The following AP2A1 variants were observed in gnomAD, a reference collection of about 807,000 sequenced individuals.
AP2A1 encodes AP-2 complex subunit alpha-1.
AP2A1 carries 21 observed loss-of-function variants against 107.3 expected under a neutral mutation model. The ratio of observed to expected loss-of-function variants is 0.20; its 90% CI spans 0.14 to 0.28. AP2A1 has a LOEUF of 0.28. Among genes scored for constraint, AP2A1 ranks in the 10% least tolerant of loss-of-function variants. The pLI is 1.00. For synonymous variants in AP2A1, 602 were observed against 564.8 expected, an observed-to-expected ratio of 1.07 and a Z score of -0.93; for missense variants, 873 against 1,307.7, an observed-to-expected ratio of 0.67 and a Z score of 5.13.
rs1324159013 is a variant in AP2A1 at position 49,785,931 on chromosome 19, T to G, written c.473+3207T>G. On this transcript the variant is annotated intron_variant, in intron 4 of 22. Transcript: ENST00000354293. The surrounding 1 kb of genome is among the most constrained non-coding windows in gnomAD (Gnocchi z 4.1). ...GACTCCATCTCAAAAAAAAAAAACA[T>G]TAGTGGGGTGCAGTGGTGCACACCT... is the stretch of plus-strand genomic sequence containing the variant. Among the ~76,000 whole-genome samples the G allele has an allele frequency of 6.8e-6, 1 of 147,462 alleles. No homozygotes were observed. The highest frequency in any genetic ancestry group is 1.5e-5 in the Non-Finnish European group (1 of 66,832).
intron 1 of AP2A1, among the ~76,000 whole-genome samples, chr19:49,778,462 C>A (rs1417568409): frequency 6.6e-6 from 1 of 152,138 alleles, no homozygotes; most frequent in Non-Finnish European, 1.5e-5. Flanking sequence ...GCATGCCTGT[C>A]ATCCCAGCTA....
At chr19:49,787,354 G>GTTTTTTTTT (rs1175245045) in intron 4 of AP2A1, among the ~76,000 whole-genome samples, 7 of 94,510 alleles carry the variant, frequency 7.4e-5, no homozygotes, top group African/African-American at 1.3e-4. Flanking sequence ...TTTGTTTTTT[G>GTTTTTTTTT]TTTTTTTTTT....
intron 4 of AP2A1, among the ~76,000 whole-genome samples, chr19:49,784,887 C>A (rs114875270): frequency 0.018 from 2,675 of 152,036 alleles, 69 homozygotes; most frequent in African/African-American, 0.061. Flanking sequence ...ACAAAAAAAA[C>A]CAAAAAACAA....
chr19:49,787,338 G>GTTTTGTT (rs2084750912), intron 4 of AP2A1, among the ~76,000 whole-genome samples: 1 of 89,732 alleles, frequency 1.1e-5, no homozygotes, highest in African/African-American at 4.9e-5. Flanking sequence ...TTTTTTGTTT[G>GTTTTGTT]TTTTTTTTGT....
intron 1 of AP2A1, among the ~76,000 whole-genome samples, chr19:49,777,995 TAAAG>T (rs1190062704): frequency 2.0e-5 from 3 of 151,920 alleles, no homozygotes; most frequent in South Asian, 2.1e-4. Flanking sequence ...GAATACTAGT[TAAAG>T]AAATACGTAA....
At chr19:49,787,374 G>A (rs2084754941) in intron 4 of AP2A1, among the ~76,000 whole-genome samples, 2 of 128,176 alleles carry the variant, frequency 1.6e-5, no homozygotes, top group Non-Finnish European at 3.1e-5. Context: ...TTTTGAGGCA[G>A]TCTCTCTCTG....
chr19:49,767,393 A>AG (rs2084513717), intron 1 of AP2A1, among the ~76,000 whole-genome samples, 193 bp downstream of exon 1: 1 of 151,778 alleles, frequency 6.6e-6, no homozygotes, highest in Non-Finnish European at 1.5e-5. Context: ...GTGCCTCTTG[A>AG]GGTGACGACA....
chr19:49,786,660 G>A (rs1393068013), intron 4 of AP2A1, among the ~76,000 whole-genome samples: 3 of 152,218 alleles, frequency 2.0e-5, no homozygotes, highest in Admixed American at 1.3e-4. Context: ...GACTCAGAAT[G>A]CTAAGAACTT....
At chr19:49,767,639 C>A (rs566006241) in intron 1 of AP2A1, among the ~76,000 whole-genome samples, 2 of 151,922 alleles carry the variant, frequency 1.3e-5, no homozygotes, top group South Asian at 4.2e-4. Flanking sequence ...AGTGGAATGC[C>A]GGAAGCCTAA....
chr19:49,807,033 C>CA lies in AP2A1; in HGVS notation c.*276dup. On this transcript the variant is annotated 3_prime_UTR_variant, in exon 23 of 23. Transcript: ENST00000354293. ...GTGGATGTCTCCTCCCCTCCCACCC[C>CA]ACCCTGTTGTAGCCCCTCCTACCCC... is the stretch of plus-strand genomic sequence containing the variant. The CA allele has an allele frequency of 6.6e-7, 1 of 1,519,918 alleles. No homozygotes were observed. Among genetic ancestry groups the CA allele is most frequent in the Non-Finnish European group, 8.8e-7 (1 of 1,134,064 alleles). The allele number at this position is 1,519,918 out of a possible 1,614,324, so 94.2% of individuals were successfully genotyped here.
chr19:49,789,590 C>CTTTT (rs34385512), intron 4 of AP2A1, among the ~76,000 whole-genome samples: 3 of 107,652 alleles, frequency 2.8e-5, no homozygotes, highest in Admixed American at 9.6e-5. Flanking sequence ...TGCGCCTGGC[C>CTTTT]TTTTTTTTTT....
chr19:49,774,119 T>C (rs760528019), intron 1 of AP2A1, among the ~76,000 whole-genome samples: 1 of 152,208 alleles, frequency 6.6e-6, no homozygotes, highest in African/African-American at 2.4e-5. Flanking sequence ...GATTTCAATT[T>C]GGTATCCCTT....
chr19:49,802,102 A>C lies in AP2A1; in HGVS notation c.2075A>C (p.Gln692Pro). 1 of 1,588,712 alleles carries C rather than the reference A, an allele frequency of 6.3e-7. No homozygotes were observed. Among genetic ancestry groups the C allele is most frequent in the Non-Finnish European group, 8.5e-7 (1 of 1,173,804 alleles). The change falls in exon 15 of 23, where the codon CAG (glutamine) becomes CCG (proline). Residue 692 changes from glutamine to proline, a missense_variant. Transcript: ENST00000354293. ...GACGTCTTCGATGGCCCGGCCGCCC[A>C]GCCCAGCCTGGGGCCCACCCCCGAG... ...LVDVFDGPAA[Q>P]PSLGPTPEEA... is the part of the protein sequence containing the mutation.
At chr19:49,803,627 C>G in intron 18 of AP2A1, 1 of 530,222 alleles carries the variant, frequency 1.9e-6, no homozygotes, top group South Asian at 2.0e-5. Flanking sequence ...TCATTTTGTC[C>G]CTGTCTGGCA....
At position 49,785,909 on chromosome 19, in the gene AP2A1, T is replaced by TC. The variant is rs1463572448; in HGVS notation, c.473+3187dup. Among the ~76,000 whole-genome samples the TC allele has an allele frequency of 1.3e-5, 2 of 149,670 alleles. No individual in the cohort carries two copies. The highest frequency in any genetic ancestry group is 4.9e-5 in the African/African-American group (2 of 40,518). Reference sequence around the variant, plus strand: ...TCCAGCCTGGGTGACAGAGCGAGACTCCATCTCAAAAAAAAAAAACATTAG... The same window carrying TC: ...TCCAGCCTGGGTGACAGAGCGAGACTCCCATCTCAAAAAAAAAAAACATTAG... On this transcript the variant is annotated intron_variant, in intron 4 of 22. Transcript: ENST00000354293. This position sits in a 1 kb window ranked among gnomAD's most constrained non-coding sequence, Gnocchi z 4.1.
intron 3 of AP2A1, 83 bp from the exon 4 acceptor site, chr19:49,782,448 G>A (rs2084688834): frequency 7.0e-7 from 1 of 1,433,402 alleles, no homozygotes; most frequent in East Asian, 2.4e-5. Context: ...TGAATCTGGG[G>A]CCTGGACTCC....
chr19:49,792,205 T>C, intron 5 of AP2A1, 141 bp downstream of exon 5: 1 of 835,178 alleles, frequency 1.2e-6, no homozygotes, highest in South Asian at 1.6e-5. Flanking sequence ...ACCCCCTGGA[T>C]GCCCGGGGCT....
Position 49,798,853 on chromosome 19 carries a change from A to C in AP2A1, c.866A>C (p.Asn289Thr). Residue 289 changes from asparagine (N) to threonine (T), a missense_variant, in exon 8 of 23, where the codon AAC becomes ACC. Coordinates refer to ENST00000354293, the MANE Select transcript of AP2A1 (RefSeq NM_130787.3). The part of the protein sequence containing the change: ...RLVECLETVL[N>T]KAQEPPKSKK... ...GTGGAATGTCTGGAGACTGTGCTCA[A>C]CAAGGCCCAGGAGCCCCCCAAATCC... is the stretch of plus-strand genomic sequence containing the variant. The C allele has an allele frequency of 6.2e-7, 1 of 1,601,314 alleles. No homozygotes were observed. The highest frequency in any genetic ancestry group is 8.5e-7 in the Non-Finnish European group (1 of 1,174,162).
At position 49,801,761 on chromosome 19, in the gene AP2A1, G is replaced by A. The variant is rs1253258954; in HGVS notation, c.1825G>A (p.Glu609Lys). ...GGAGATGCCGCCCTTCCCCGAGCGC[G>A]AGTCGTCCATCCTGGCCAAGCTGAA... ...LEEMPPFPER[E>K]SSILAKLKRK... Residue 609 changes from glutamate (E) to lysine (K), a missense_variant, in exon 14 of 23, where the codon GAG becomes AAG. Around this residue, in one of 4 missense-constraint regions of AP2A1, gnomAD observed 416 missense variants for 473.4 expected, o/e 0.88. Transcript: ENST00000354293. 6.4e-7 allele frequency: 1 copy of A among 1,567,682 alleles called. No homozygotes were observed. Among genetic ancestry groups the A allele is most frequent in the Non-Finnish European group, 8.6e-7 (1 of 1,158,980 alleles).
Sources: allele counts gnomAD v4.1 joint callset (sites outside exome capture counted in the v4.1 genomes callset), GRCh38; gene constraint gnomAD v4.1.1; regional missense constraint gnomAD v4.1.1; non-coding constraint Gnocchi (gnomAD v3.1); transcripts MANE v1.5; gene names NCBI Gene and HGNC (gene_info 2026-07-23, HGNC 2026-07-21).